Variants in HSD17B6 observed in about 807,000 individuals in gnomAD.
HSD17B6 encodes the protein 17-beta-hydroxysteroid dehydrogenase type 6.
A neutral mutation model predicts 26.4 loss-of-function variants in HSD17B6; 16 were observed. The observed-to-expected ratio is 0.61, with a 90% confidence interval of 0.41 to 0.92. The LOEUF is 0.92. Among genes scored for constraint, HSD17B6 ranks in the 40% least tolerant of loss-of-function variants. The probability of loss-of-function intolerance (pLI) is 0.00; values close to 1 mark genes in which losing one functional copy is unlikely to be tolerated. For missense variants in HSD17B6, 357 were observed against 386.1 expected (o/e 0.92, Z 0.63); for synonymous variants, 139 against 153.0 (o/e 0.91, Z 0.68).
chr12:56,787,470 C>G lies in HSD17B6; in HGVS notation c.*128C>G, dbSNP rs1954904290. ...TTCTTGCCTAAATTCATTTATCTGGCATCATCAGAGTACTAACATGTTTAT... is the reference window on the plus strand; with the variant it reads ...TTCTTGCCTAAATTCATTTATCTGGGATCATCAGAGTACTAACATGTTTAT... On this transcript the variant is annotated 3_prime_UTR_variant, in exon 5 of 5. Transcript: ENST00000322165. The G allele has an allele frequency of 1.5e-6, 1 of 646,302 alleles. No homozygotes were observed. The highest frequency in any genetic ancestry group is 1.8e-5 in the African/African-American group (1 of 54,920). 40.0% of individuals were successfully genotyped at this position (646,302 alleles called of 1,614,324 possible). A position where few individuals can be genotyped will look rare whatever the true frequency, so the allele number is the denominator to read the frequency against.
chr12:56,779,980 C>G (rs1954678621), intron 2 of HSD17B6, among the ~76,000 whole-genome samples: 1 of 152,066 alleles, frequency 6.6e-6, no homozygotes, highest in Non-Finnish European at 1.5e-5. Context: ...TGCAGATAGG[C>G]TAGTCTATGT....
chr12:56,772,697 CA>C (rs374835392), intron 1 of HSD17B6, among the ~76,000 whole-genome samples: 1,037 of 62,718 alleles, frequency 0.017, 6 homozygotes, highest in African/African-American at 0.05. Context: ...AACTCTGTCT[CA>C]AAAAAAAAAA....
chr12:56,784,528 C>G (rs142317555), intron 3 of HSD17B6, among the ~76,000 whole-genome samples: 2 of 152,146 alleles, frequency 1.3e-5, no homozygotes, highest in Non-Finnish European at 2.9e-5. Context: ...AATACGAAAA[C>G]CAGTCAGGCA....
intron 2 of HSD17B6, among the ~76,000 whole-genome samples, chr12:56,774,666 A>G (rs1249446124): frequency 6.6e-6 from 1 of 152,246 alleles, no homozygotes; most frequent in East Asian, 1.9e-4. Context: ...ACATGGTCCC[A>G]TCTGGGGGTG....
At chr12:56,768,813 T>C (rs576177145) in intron 1 of HSD17B6, among the ~76,000 whole-genome samples, 25 of 152,054 alleles carry the variant, frequency 1.6e-4, no homozygotes, top group Admixed American at 6.6e-4. Context: ...TGATTTGTTG[T>C]ATAAAAGTTT....
intron 3 of HSD17B6, among the ~76,000 whole-genome samples, chr12:56,783,821 C>T (rs1249628750): frequency 4.7e-5 from 7 of 149,460 alleles, no homozygotes; most frequent in Non-Finnish European, 9.0e-5. Flanking sequence ...CGGGGGCTGA[C>T]CCCCACCTCC....
rs551885241 is a variant in HSD17B6, at chr12:56,772,443, C to T, written c.-19-1391C>T. Among the ~76,000 whole-genome samples, 12 of 151,952 alleles carry T rather than the reference C, an allele frequency of 7.9e-5. No homozygotes were observed. The South Asian group carries it at 2.3e-3, about 29-fold the overall frequency. ...GGTGTGGTGGCTCATGCCTGTAATC[C>T]CAGCATTTTGGGAGGCCAAGGTGGG... On this transcript the variant is annotated intron_variant, in intron 1 of 4. Transcript: ENST00000322165.
intron 2 of HSD17B6, among the ~76,000 whole-genome samples, chr12:56,778,313 A>G (rs576509360): frequency 6.6e-6 from 1 of 152,246 alleles, no homozygotes; most frequent in Non-Finnish European, 1.5e-5. Flanking sequence ...TTGGAGATAG[A>G]GTCTTGCTGT....
At chr12:56,785,568 G>A (rs1437005963) in intron 4 of HSD17B6, among the ~76,000 whole-genome samples, 7 of 152,214 alleles carry the variant, frequency 4.6e-5, no homozygotes, top group Non-Finnish European at 7.3e-5. Context: ...TGGTTGAGGA[G>A]GGGGACATAT....
chr12:56,779,398 A>G (rs1352229348), intron 2 of HSD17B6, among the ~76,000 whole-genome samples: 1 of 152,142 alleles, frequency 6.6e-6, no homozygotes, highest in Non-Finnish European at 1.5e-5. Context: ...TCAGCTTCCC[A>G]AAGTGTTGGG....
chr12:56,783,268 T>G (rs1954769697), intron 3 of HSD17B6, among the ~76,000 whole-genome samples: 1 of 145,850 alleles, frequency 6.9e-6, no homozygotes, highest in Non-Finnish European at 1.5e-5. Context: ...GGCGGGGGGC[T>G]GACCCCCCCA....
chr12:56,779,549 T>C (rs891644622), intron 2 of HSD17B6, among the ~76,000 whole-genome samples: 3 of 152,244 alleles, frequency 2.0e-5, no homozygotes, highest in African/African-American at 2.4e-5. Flanking sequence ...TTTATTCCAC[T>C]TTTTCCACTA....
chr12:56,781,907 A>C (rs2137925098), intron 2 of HSD17B6, 67 bp from the exon 3 acceptor site: 1 of 1,533,630 alleles, frequency 6.5e-7, no homozygotes, highest in East Asian at 2.3e-5. Flanking sequence ...TTCTTTCCCC[A>C]CCAAAGTTCA....
intron 1 of HSD17B6, among the ~76,000 whole-genome samples, chr12:56,767,615 AATATATAACAT>A (rs1296632023): frequency 2.0e-5 from 2 of 101,130 alleles, no homozygotes; most frequent in Non-Finnish European, 4.1e-5. Context: ...TACATATATT[AATATATAACAT>A]ATATATTATA....
At chr12:56,769,386 G>C (rs1954420655) in intron 1 of HSD17B6, among the ~76,000 whole-genome samples, 1 of 152,160 alleles carries the variant, frequency 6.6e-6, no homozygotes, top group Non-Finnish European at 1.5e-5. Flanking sequence ...ACAGGCGTGA[G>C]CCACCGTGCC....
At position 56,768,019 on chromosome 12, in the gene HSD17B6, A is replaced by G. The variant is rs551756202; in HGVS notation, c.-20+4605A>G. Among the ~76,000 whole-genome samples, 5 of 151,714 alleles carry G rather than the reference A, an allele frequency of 3.3e-5. No homozygotes were observed. In the South Asian group the frequency reaches 1.0e-3, roughly 32 times the overall value. On this transcript the variant is annotated intron_variant, in intron 1 of 4. Coordinates refer to ENST00000322165, the MANE Select transcript of HSD17B6 (RefSeq NM_003725.4). ...GGTTTCACACAGTGCCTGGCAAGGAAAGTTCTCTATAACTGTTCACTATTA... is the reference window on the plus strand; with the variant it reads ...GGTTTCACACAGTGCCTGGCAAGGAGAGTTCTCTATAACTGTTCACTATTA...
chr12:56,778,816 A>G (rs1313026861), intron 2 of HSD17B6, among the ~76,000 whole-genome samples: 1 of 151,714 alleles, frequency 6.6e-6, no homozygotes. Context: ...CTGGGTCTAC[A>G]GGCGTCCGCC....
At chr12:56,775,994 C>T (rs1271936038) in intron 2 of HSD17B6, among the ~76,000 whole-genome samples, 5 of 152,260 alleles carry the variant, frequency 3.3e-5, no homozygotes, top group South Asian at 2.1e-4. Flanking sequence ...GGCATAATCT[C>T]GGCTCACTGC....
At chr12:56,770,659 C>G (rs2137902178) in intron 1 of HSD17B6, 1 of 152,208 alleles carries the variant, frequency 6.6e-6, no homozygotes, top group East Asian at 1.9e-4. Flanking sequence ...CAGGTGCAGA[C>G]TAATATGTAA....
Sources: gnomAD v4.1 joint callset for allele counts (sites outside exome capture counted in the v4.1 genomes callset) on GRCh38, gnomAD v4.1.1 for gene constraint, MANE v1.5 for transcripts, NCBI Gene and HGNC (gene_info 2026-07-23, HGNC 2026-07-21) for gene names.